ANLN: variants seen among roughly 807,000 people sequenced by gnomAD.
The protein encoded by ANLN is anillin.
In ANLN, 59 loss-of-function variants were observed where a neutral mutation model predicts 135.1. The observed-to-expected ratio is 0.44, with a 90% CI of 0.35 to 0.54. The LOEUF (loss-of-function observed/expected upper bound fraction) is 0.54, where lower values mean the gene tolerates loss of function less well. ANLN is among the 20% of genes least tolerant of loss of function. ANLN has a pLI of 0.00. For synonymous variants in ANLN, 406 were observed against 456.4 expected, an observed-to-expected ratio of 0.89 and a Z score of 1.41; for missense variants, 1,182 against 1,340.0, an observed-to-expected ratio of 0.88 and a Z score of 1.84.
At chr7:36,412,665 C>T (rs919431165) in intron 7 of ANLN, among the ~76,000 whole-genome samples, 4 of 152,066 alleles carry the variant, frequency 2.6e-5, no homozygotes, top group Admixed American at 1.3e-4. Context: ...CATGTATTCA[C>T]TTGCTTAAAA....
chr7:36,426,149 T>C, intron 19 of ANLN, 113 bp downstream of exon 19: 1 of 785,458 alleles, frequency 1.3e-6, no homozygotes. Context: ...TTGATCTCCT[T>C]TGGAATAATA....
intron 5 of ANLN, among the ~76,000 whole-genome samples, chr7:36,409,968 C>T (rs935257574): frequency 1.1e-4 from 17 of 152,048 alleles, no homozygotes; most frequent in Admixed American, 2.0e-4. Flanking sequence ...CACTGCACCC[C>T]GCTGAATACT....
intron 9 of ANLN, among the ~76,000 whole-genome samples, chr7:36,417,855 T>C (rs1259625525): frequency 6.6e-6 from 1 of 152,006 alleles, no homozygotes; most frequent in African/African-American, 2.4e-5. Flanking sequence ...TTTTGTATTT[T>C]TAGTAGAGAG....
chr7:36,453,326 T>C lies in ANLN; in HGVS notation c.*726T>C, dbSNP rs1377684351. The C allele has an allele frequency of 6.6e-6, 1 of 152,234 alleles. No homozygotes were observed. The highest frequency in any genetic ancestry group is 1.5e-5 in the Non-Finnish European group (1 of 68,046). The allele number at this position is 152,234 out of a possible 1,614,324, so 9.4% of individuals were successfully genotyped here. A position where few individuals can be genotyped will look rare whatever the true frequency, so the allele number is the denominator to read the frequency against. ...AAGATCATTATTTTTGCTGCGTAGC[T>C]TACAGACTTAGCATATTAGTTTTTT... On this transcript the variant is annotated 3_prime_UTR_variant, in exon 24 of 24. Coordinates refer to ENST00000265748, the MANE Select transcript of ANLN (RefSeq NM_018685.5).
At chr7:36,431,884 T>C (rs919931081) in intron 20 of ANLN, among the ~76,000 whole-genome samples, 32 of 151,416 alleles carry the variant, frequency 2.1e-4, no homozygotes, top group Admixed American at 1.1e-3. Flanking sequence ...CTTTCTTTTT[T>C]CCCCCCCAGA....
chr7:36,444,219 G>T (rs1788895405), intron 22 of ANLN, among the ~76,000 whole-genome samples: 1 of 151,180 alleles, frequency 6.6e-6, no homozygotes, highest in Admixed American at 6.6e-5. Flanking sequence ...GGATCCAGGA[G>T]ACCAAGGTTG....
At position 36,412,194 on chromosome 7, in the gene ANLN, G is replaced by A. The variant is rs1015574471; in HGVS notation, c.1395+1028G>A. 1.1e-4 allele frequency among the ~76,000 whole-genome samples: 17 copies of A among 150,670 alleles called. No individual in the cohort carries two copies. The East Asian group carries it at 1.2e-3, about 10-fold the overall frequency. The stretch of plus-strand genomic sequence containing the variant: ...TCTAAATCTGTCACCCACCTGCCTC[G>A]TCTTCCATATTTTCCTCTGCTATTA... On this transcript the variant is annotated intron_variant, in intron 7 of 23. Transcript: ENST00000265748.
intron 14 of ANLN, 35 bp downstream of exon 14, chr7:36,422,844 T>C (rs1428149322): frequency 1.9e-6 from 3 of 1,552,852 alleles, no homozygotes; most frequent in Non-Finnish European, 2.6e-6. Context: ...GTGTGTTAAA[T>C]TATGAACCTC....
intron 1 of ANLN, 91 bp downstream of exon 1, chr7:36,390,135 G>A: frequency 6.3e-7 from 1 of 1,596,842 alleles, no homozygotes; most frequent in Admixed American, 1.7e-5. Flanking sequence ...AACCCCCACC[G>A]GGCGGAGGGC....
chr7:36,432,253 C>T (rs1788361103), intron 20 of ANLN, among the ~76,000 whole-genome samples: 1 of 152,158 alleles, frequency 6.6e-6, no homozygotes, highest in South Asian at 2.1e-4. Flanking sequence ...AAAAAACAAA[C>T]TTGTTCAGGC....
intron 20 of ANLN, among the ~76,000 whole-genome samples, chr7:36,435,385 TGGG>T: frequency 7.0e-6 from 1 of 143,448 alleles, no homozygotes; most frequent in African/African-American, 2.6e-5. Flanking sequence ...ATAGAGATGG[TGGG>T]GGGGGGGTCT....
Position 36,406,318 on chromosome 7 carries a change from A to G in ANLN, c.625A>G (p.Ile209Val), listed in dbSNP as rs767242076. Residue 209 changes from isoleucine (I) to valine (V), a missense_variant, in exon 4 of 24, where the codon ATT (isoleucine) becomes GTT (valine). Physicochemically the swap from Ile to Val is conservative, Grantham distance 29. This residue lies in a region of ANLN where 1,022 missense variants were observed against 1,134.0 expected (regional missense o/e 0.90). Transcript: ENST00000265748. ...RGRLANLAATICSWEDDVNHS... is the reference protein window; with the variant it reads ...RGRLANLAATVCSWEDDVNHS... Reference sequence around the variant, plus strand: ...CCGTCTGGCCAATCTTGCTGCAACTATTTGCTCCTGGGAAGATGATGTAAA... The same window carrying G: ...CCGTCTGGCCAATCTTGCTGCAACTGTTTGCTCCTGGGAAGATGATGTAAA... 4.3e-6 allele frequency: 7 copies of G among 1,614,208 alleles called. No individual in the cohort carries two copies. The East Asian group carries it at 1.1e-4, about 26-fold the overall frequency.
intron 2 of ANLN, 46 bp downstream of exon 2, chr7:36,396,465 T>A (rs1786704688): frequency 6.5e-7 from 1 of 1,526,952 alleles, no homozygotes; most frequent in Admixed American, 2.0e-5. Context: ...TTTTTTTCTT[T>A]TGAAGGAGAC....
At position 36,399,110 on chromosome 7, in the gene ANLN, A is replaced by G; in HGVS notation, c.204A>G (p.Lys68=). Residue 68 remains lysine, a synonymous_variant, in exon 3 of 24, where the codon AAA becomes AAG. Transcript: ENST00000265748. ...EKSCTKPSPS[K]KRCSDNTEVE... Reference sequence around the variant, plus strand: ...CTTGTACAAAACCATCGCCATCAAAAAAACGCTGTTCTGACAACACTGAAG... The same window carrying G: ...CTTGTACAAAACCATCGCCATCAAAGAAACGCTGTTCTGACAACACTGAAG... The G allele has an allele frequency of 6.2e-7, 1 of 1,611,068 alleles. No homozygotes were observed. Among genetic ancestry groups the G allele is most frequent in the Non-Finnish European group, 8.5e-7 (1 of 1,178,252 alleles).
intron 19 of ANLN, among the ~76,000 whole-genome samples, 189 bp downstream of exon 19, chr7:36,426,225 T>G (rs1422800773): frequency 6.6e-6 from 1 of 152,204 alleles, no homozygotes; most frequent in East Asian, 1.9e-4. Context: ...GGTTGCACCT[T>G]TGTTAGGTAC....
At chr7:36,414,844 G>A (rs933785021) in intron 7 of ANLN, among the ~76,000 whole-genome samples, 1 of 152,170 alleles carries the variant, frequency 6.6e-6, no homozygotes, top group Admixed American at 6.5e-5. Context: ...TTGTATACTG[G>A]CTCTGCCAGT....
Position 36,452,705 on chromosome 7 carries a change from G to T in ANLN, c.*105G>T, listed in dbSNP as rs1299518539. ...GCATTTTATGCTTTAAGTACGAAAG[G>T]GTTTGTGCCAATATTCACTACGTAT... On this transcript the variant is annotated 3_prime_UTR_variant, in exon 24 of 24. Coordinates refer to ENST00000265748, the MANE Select transcript of ANLN (RefSeq NM_018685.5). 2 of 1,373,522 alleles carry T rather than the reference G, an allele frequency of 1.5e-6. No homozygotes were observed. Among genetic ancestry groups the T allele is most frequent in the African/African-American group, 1.4e-5 (1 of 69,262 alleles). 85.1% of individuals were successfully genotyped at this position (1,373,522 alleles called of 1,614,324 possible).
intron 22 of ANLN, chr7:36,449,180 T>A (rs1191060156): frequency 1.3e-5 from 2 of 152,392 alleles, no homozygotes; most frequent in African/African-American, 4.8e-5. Flanking sequence ...CCACTTTGAC[T>A]CGTATCATAG....
chr7:36,422,003 T>C lies in ANLN; in HGVS notation c.2299+11T>C. 1 of 1,609,580 alleles carries C rather than the reference T, an allele frequency of 6.2e-7. No homozygotes were observed. The highest frequency in any genetic ancestry group is 8.5e-7 in the Non-Finnish European group (1 of 1,178,630). On this transcript the variant is annotated intron_variant, in intron 13 of 23. Transcript: ENST00000265748. ...TTCTTCTAATTGCAAGTAAGTGTGATGCACCTGAAAGAGTTCCAACAAATT... is the reference window on the plus strand; with the variant it reads ...TTCTTCTAATTGCAAGTAAGTGTGACGCACCTGAAAGAGTTCCAACAAATT...
Sources: allele counts gnomAD v4.1 joint callset (sites outside exome capture counted in the v4.1 genomes callset), GRCh38; gene constraint gnomAD v4.1.1; regional missense constraint gnomAD v4.1.1; transcripts MANE v1.5; gene names NCBI Gene and HGNC (gene_info 2026-07-23, HGNC 2026-07-21).